Variants in SIL1 observed in about 807,000 individuals in gnomAD.
The protein encoded by SIL1 is SIL1 nucleotide exchange factor, also known as nucleotide exchange factor SIL1.
A neutral mutation model predicts 49.1 loss-of-function variants in SIL1; 40 were observed. That is an observed-to-expected ratio of 0.81 (90% CI 0.63 to 1.06). The LOEUF (loss-of-function observed/expected upper bound fraction) is 1.06. Among genes scored for constraint, SIL1 ranks in the 50% least tolerant of loss-of-function variants. The pLI is 0.00. For missense variants in SIL1, 500 were observed against 572.6 expected, an observed-to-expected ratio of 0.87 and a Z score of 1.29; for synonymous variants, 253 against 250.8, an observed-to-expected ratio of 1.01 and a Z score of -0.08.
chr5:138,986,844 T>C (rs929359975), intron 7 of SIL1, among the ~76,000 whole-genome samples: 5 of 152,230 alleles, frequency 3.3e-5, no homozygotes, highest in Admixed American at 6.5e-5. Context: ...AAGATATTTG[T>C]AAATATAAAC....
chr5:139,017,406 T>C (rs1768425006), intron 7 of SIL1, among the ~76,000 whole-genome samples: 1 of 152,210 alleles, frequency 6.6e-6, no homozygotes, highest in Non-Finnish European at 1.5e-5. Context: ...TAATGGCACA[T>C]GTACATCCTT....
At chr5:139,117,587 G>C (rs535017912) in intron 3 of SIL1, among the ~76,000 whole-genome samples, 1 of 152,162 alleles carries the variant, frequency 6.6e-6, no homozygotes, top group Non-Finnish European at 1.5e-5. Context: ...TGAGTTCCCT[G>C]CCCAGAACCC....
At chr5:139,152,465 A>T (rs1342277839) in intron 1 of SIL1, among the ~76,000 whole-genome samples, 1 of 151,928 alleles carries the variant, frequency 6.6e-6, no homozygotes, top group Non-Finnish European at 1.5e-5. Context: ...TACTAAAAAT[A>T]CAAAAATTAG....
intron 3 of SIL1, among the ~76,000 whole-genome samples, chr5:139,102,178 T>C (rs1330941636): frequency 6.6e-6 from 1 of 152,216 alleles, no homozygotes; most frequent in Admixed American, 6.5e-5. Flanking sequence ...ATTCATACAC[T>C]TGAATATATT....
At chr5:139,182,379 T>C (rs898624405) in intron 1 of SIL1, among the ~76,000 whole-genome samples, 2 of 152,236 alleles carry the variant, frequency 1.3e-5, no homozygotes, top group Admixed American at 1.3e-4. Context: ...CACATCTGTC[T>C]CATTCATCAC....
intron 7 of SIL1, among the ~76,000 whole-genome samples, chr5:138,985,623 CTCT>C (rs947797310): frequency 2.0e-5 from 3 of 152,168 alleles, no homozygotes; most frequent in African/African-American, 7.2e-5. Flanking sequence ...ATATCTAGTG[CTCT>C]TGTTTTCACA....
rs376039021 is a variant in SIL1, at chr5:139,090,436, A to C, written c.244+30599T>G. On this transcript the variant is annotated intron_variant, in intron 3 of 9. Transcript: ENST00000394817. ...ACAAACAGGAGCGCACAGAAATAAAACTAGAATGACCTACTGGATAATAAA... is the reference window on the plus strand; with the variant it reads ...ACAAACAGGAGCGCACAGAAATAAACCTAGAATGACCTACTGGATAATAAA... Among the ~76,000 whole-genome samples the C allele has an allele frequency of 5.3e-5, 8 of 152,282 alleles. 2 individuals carry two copies. The highest frequency in any genetic ancestry group is 2.6e-4 in the Admixed American group (4 of 15,294).
chr5:139,123,113 G>A (rs1281592016), intron 2 of SIL1, among the ~76,000 whole-genome samples: 4 of 152,190 alleles, frequency 2.6e-5, no homozygotes, highest in African/African-American at 9.7e-5. Flanking sequence ...GCTGTGTTGT[G>A]ACATCCAGGA....
chr5:139,035,650 T>C (rs1768889083), intron 5 of SIL1: 1 of 263,600 alleles, frequency 3.8e-6, no homozygotes, highest in Admixed American at 4.8e-5. Flanking sequence ...AACTTTTTTT[T>C]TTTTTTTTTT....
At chr5:139,057,793 C>T (rs574844157) in intron 3 of SIL1, among the ~76,000 whole-genome samples, 1 of 152,316 alleles carries the variant, frequency 6.6e-6, no homozygotes, top group African/African-American at 2.4e-5. Flanking sequence ...GCTCACAATT[C>T]TGGAGACTGG....
chr5:139,181,346 C>T (rs531156880), intron 1 of SIL1, among the ~76,000 whole-genome samples: 1 of 152,270 alleles, frequency 6.6e-6, no homozygotes, highest in East Asian at 1.9e-4. Flanking sequence ...TGCTCCCCTG[C>T]TCTCCCAGGG....
chr5:139,012,575 A>G (rs1768304282), intron 7 of SIL1: 1 of 152,206 alleles, frequency 6.6e-6, no homozygotes, highest in Admixed American at 6.5e-5. Context: ...ATTATCCTTC[A>G]TATTATCAAA....
At chr5:139,090,761 C>T (rs1165019581) in intron 3 of SIL1, among the ~76,000 whole-genome samples, 1 of 152,118 alleles carries the variant, frequency 6.6e-6, no homozygotes, top group African/African-American at 2.4e-5. Flanking sequence ...CGCACCACTA[C>T]ACCTGGCTAA....
At chr5:139,121,521 A>G (rs1750636859) in intron 2 of SIL1, among the ~76,000 whole-genome samples, 1 of 152,224 alleles carries the variant, frequency 6.6e-6, no homozygotes, top group African/African-American at 2.4e-5. Context: ...TTGACATGCT[A>G]TTATACTGTT....
chr5:139,099,542 T>C (rs1247579382), intron 3 of SIL1, among the ~76,000 whole-genome samples: 1 of 152,080 alleles, frequency 6.6e-6, no homozygotes, highest in African/African-American at 2.4e-5. Context: ...CATCAACAGA[T>C]GAATGGATTT....
At chr5:139,173,050 G>A (rs1751806704) in intron 1 of SIL1, among the ~76,000 whole-genome samples, 1 of 151,976 alleles carries the variant, frequency 6.6e-6, no homozygotes, top group South Asian at 2.1e-4. Context: ...ATAGATATAG[G>A]TTATGTTTTT....
intron 7 of SIL1, among the ~76,000 whole-genome samples, chr5:139,015,045 C>T (rs961353216): frequency 6.6e-6 from 1 of 152,200 alleles, no homozygotes; most frequent in African/African-American, 2.4e-5. Context: ...ATGATTACAT[C>T]ATTAATAATA....
At chr5:139,195,599 G>T (rs893788718) in intron 1 of SIL1, among the ~76,000 whole-genome samples, 2 of 151,932 alleles carry the variant, frequency 1.3e-5, no homozygotes, top group Non-Finnish European at 2.9e-5. Context: ...GTGTTAGCCA[G>T]GATGGTCTCG....
intron 7 of SIL1, among the ~76,000 whole-genome samples, chr5:138,990,231 T>C (rs1390218852): frequency 2.0e-5 from 3 of 152,148 alleles, no homozygotes; most frequent in Non-Finnish European, 4.4e-5. Flanking sequence ...AGACACTTGC[T>C]CAGAGCAAAG....
Sources: allele counts gnomAD v4.1 joint callset (sites outside exome capture counted in the v4.1 genomes callset), GRCh38; gene constraint gnomAD v4.1.1; transcripts MANE v1.5; gene names NCBI Gene and HGNC (gene_info 2026-07-23, HGNC 2026-07-21).